The following MYLK variants were observed in gnomAD, a reference collection of about 807,000 sequenced individuals.
The protein encoded by MYLK is myosin light chain kinase, smooth muscle.
MYLK carries 106 observed loss-of-function variants against 203.4 expected under a neutral mutation model. The observed-to-expected ratio is 0.52, with a 90% confidence interval of 0.45 to 0.61. MYLK has a LOEUF of 0.61. MYLK is among the 20% of genes least tolerant of loss of function. The pLI, the probability that MYLK is intolerant of heterozygous loss-of-function variation, is 0.00. For missense variants in MYLK, 2,072 were observed against 2,442.3 expected, an observed-to-expected ratio of 0.85 and a Z score of 3.20; for synonymous variants, 867 against 959.5, an observed-to-expected ratio of 0.90 and a Z score of 1.78.
At chr3:123,761,176 G>C (rs1172428282) in intron 4 of MYLK, among the ~76,000 whole-genome samples, 1 of 152,228 alleles carries the variant, frequency 6.6e-6, no homozygotes, top group Admixed American at 6.5e-5. Flanking sequence ...CATCAGCAGA[G>C]CCTGCTGCCC....
chr3:123,858,231 G>A (rs1432145889), intron 2 of MYLK, among the ~76,000 whole-genome samples: 1 of 152,174 alleles, frequency 6.6e-6, no homozygotes, highest in Non-Finnish European at 1.5e-5. Flanking sequence ...AATGTGGAGT[G>A]CAGCTTGGGA....
In MYLK at chr3:123,618,779, C is replaced by T. The variant is rs1553770608; in HGVS notation, c.5369-9G>A. ...AGCTTGGGACACATCTTCTAGAAGA[C>T]AGAGAAGAAGACCAGGTCATTTCTT... On this transcript the variant is annotated splice_polypyrimidine_tract_variant and intron_variant, in intron 32 of 33. Coordinates refer to ENST00000360304, the MANE Select transcript of MYLK (RefSeq NM_053025.4). The T allele has an allele frequency of 6.2e-7, 1 of 1,614,028 alleles. No individual in the cohort carries two copies. Among genetic ancestry groups the T allele is most frequent in the South Asian group, 1.1e-5 (1 of 91,078 alleles).
At chr3:123,708,650 G>T (rs1395429253) in intron 15 of MYLK, 48 bp downstream of exon 15, 1 of 1,607,950 alleles carries the variant, frequency 6.2e-7, no homozygotes, top group South Asian at 1.1e-5. Context: ...TTTTGGAGGG[G>T]CTGCAGCAGC....
At chr3:123,709,647 T>C (rs1434793500) in intron 14 of MYLK, 109 bp downstream of exon 14, 8 of 1,428,590 alleles carry the variant, frequency 5.6e-6, no homozygotes, top group Non-Finnish European at 2.0e-6. Context: ...GATGGTCCCA[T>C]CTGATTTTCT....
At chr3:123,783,209 A>G (rs2109042781) in intron 4 of MYLK, among the ~76,000 whole-genome samples, 1 of 152,268 alleles carries the variant, frequency 6.6e-6, no homozygotes, top group Admixed American at 6.6e-5. Context: ...CAAAAGCAGA[A>G]TTCTTGGCAA....
Position 123,831,531 on chromosome 3 carries a change from A to G in MYLK, c.-4+17T>C, listed in dbSNP as rs2066328626. ...GGAGGAATGGTCAACAGCATAATGT[A>G]AACTCTGTTCACTCACCACCGTCTT... On this transcript the variant is annotated intron_variant, in intron 3 of 33. Coordinates refer to ENST00000360304, the MANE Select transcript of MYLK (RefSeq NM_053025.4). 1.2e-6 allele frequency: 1 copy of G among 822,736 alleles called. No homozygotes were observed. Among genetic ancestry groups the G allele is most frequent in the Non-Finnish European group, 1.7e-6 (1 of 600,470 alleles). 51.0% of individuals were successfully genotyped at this position (822,736 alleles called of 1,614,324 possible).
chr3:123,713,667 G>C (rs1395826268), intron 13 of MYLK, among the ~76,000 whole-genome samples: 1 of 149,846 alleles, frequency 6.7e-6, no homozygotes, highest in Non-Finnish European at 1.5e-5. Context: ...AATTATTCTG[G>C]CTCATCTCTG....
chr3:123,814,165 T>G, intron 3 of MYLK: 1 of 350,336 alleles, frequency 2.9e-6, no homozygotes, highest in Non-Finnish European at 5.8e-6. Context: ...TGGGCCCTGT[T>G]CCTGTGTCTC....
rs1033041988 is a variant in MYLK at position 123,629,437 on chromosome 3, G to C, written c.5114+37C>G. 1.9e-6 allele frequency: 3 copies of C among 1,613,360 alleles called. No individual in the cohort carries two copies. The highest frequency in any genetic ancestry group is 2.5e-6 in the Non-Finnish European group (3 of 1,179,518). Reference sequence around the variant, plus strand: ...CCTTTGCTTCCCAACACAGGGCAGGGAGTAGGGAAGCAAAGACTGAAATCC... The same window carrying C: ...CCTTTGCTTCCCAACACAGGGCAGGCAGTAGGGAAGCAAAGACTGAAATCC... On this transcript the variant is annotated intron_variant, in intron 30 of 33. Transcript: ENST00000360304. The surrounding 1 kb of genome is among the most constrained non-coding windows in gnomAD (Gnocchi z 4.4).
chr3:123,843,429 T>C (rs2066639876), intron 2 of MYLK, among the ~76,000 whole-genome samples: 1 of 152,074 alleles, frequency 6.6e-6, no homozygotes, highest in African/African-American at 2.4e-5. Context: ...GCATCCAAGC[T>C]AGGGAGCAGG....
At position 123,611,544 on chromosome 3, in the gene MYLK, T is replaced by C. The variant is rs2057246712; in HGVS notation, c.*2561A>G. The C allele has an allele frequency of 6.6e-6, 1 of 152,150 alleles. No individual in the cohort carries two copies. Among genetic ancestry groups the C allele is most frequent in the African/African-American group, 2.4e-5 (1 of 41,428 alleles). 9.4% of individuals were successfully genotyped at this position (152,150 alleles called of 1,614,324 possible). On this transcript the variant is annotated 3_prime_UTR_variant, in exon 34 of 34. Transcript: ENST00000360304. ...TCTGTAACAGTGGTCCCTAACCTTT[T>C]TGGCACCAGGGACCACTTTCATGGA...
intron 2 of MYLK, among the ~76,000 whole-genome samples, chr3:123,847,667 A>G (rs1241601465): frequency 6.6e-6 from 1 of 152,122 alleles, no homozygotes; most frequent in Non-Finnish European, 1.5e-5. Flanking sequence ...TATGTAATAG[A>G]TTATAGGCAT....
chr3:123,871,191 C>A (rs1229167063), intron 2 of MYLK, among the ~76,000 whole-genome samples: 2 of 152,152 alleles, frequency 1.3e-5, no homozygotes, highest in African/African-American at 4.8e-5. Context: ...CCTTTCCCAA[C>A]CCAACTGTCC....
At chr3:123,862,905 C>T (rs1305183182) in intron 2 of MYLK, among the ~76,000 whole-genome samples, 1 of 152,176 alleles carries the variant, frequency 6.6e-6, no homozygotes, top group African/African-American at 2.4e-5. Flanking sequence ...AAACTGAACT[C>T]CCCTGCTTCC....
At chr3:123,664,336 C>T in intron 22 of MYLK, 78 bp from the exon 23 acceptor site, 1 of 1,590,606 alleles carries the variant, frequency 6.3e-7, no homozygotes, top group Non-Finnish European at 8.6e-7. Context: ...TCCCCATTCC[C>T]TACTTCCTGA....
chr3:123,633,098 T>G (rs538501926), intron 29 of MYLK, among the ~76,000 whole-genome samples: 1 of 150,792 alleles, frequency 6.6e-6, no homozygotes, highest in South Asian at 2.1e-4. Flanking sequence ...AGCCTTGTCT[T>G]TTTATTTATA....
rs2058800925 is a variant in MYLK, at chr3:123,640,648, C to T, written c.4620-144G>A. ...GGGTGATGGGCAATTCCTGAATCCC[C>T]ACCCTCCGACATGGGAGAAGGGTCA... On this transcript the variant is annotated intron_variant, in intron 27 of 33. Transcript: ENST00000360304. The surrounding 1 kb of genome is among the most constrained non-coding windows in gnomAD (Gnocchi z 4.3). The T allele has an allele frequency of 1.2e-6, 1 of 832,406 alleles. No homozygotes were observed. Among genetic ancestry groups the T allele is most frequent in the Non-Finnish European group, 2.0e-6 (1 of 502,924 alleles). The allele number at this position is 832,406 out of a possible 1,614,324, so 51.6% of individuals were successfully genotyped here. A position where few individuals can be genotyped will look rare whatever the true frequency, so the allele number is the denominator to read the frequency against.
intron 11 of MYLK, among the ~76,000 whole-genome samples, chr3:123,729,980 G>A (rs184254456): frequency 6.6e-6 from 1 of 151,900 alleles, no homozygotes; most frequent in East Asian, 1.9e-4. Flanking sequence ...TAATCCCAGT[G>A]CTTTGGGAGG....
At chr3:123,832,309 A>G (rs2066356005) in intron 2 of MYLK, among the ~76,000 whole-genome samples, 1 of 152,174 alleles carries the variant, frequency 6.6e-6, no homozygotes, top group Non-Finnish European at 1.5e-5. Context: ...CCCTTCAGAC[A>G]CTTTTGTTTT....
Sources: gnomAD v4.1 joint callset for allele counts (sites outside exome capture counted in the v4.1 genomes callset) on GRCh38, gnomAD v4.1.1 for gene constraint, Gnocchi (gnomAD v3.1) non-coding constraint, MANE v1.5 for transcripts, NCBI Gene and HGNC (gene_info 2026-07-23, HGNC 2026-07-21) for gene names.